The following KIAA1217 variants were observed in gnomAD, a reference collection of about 807,000 sequenced individuals.
KIAA1217 encodes the protein KIAA1217.
Under a neutral mutation model 163.9 loss-of-function variants are expected in KIAA1217, and 88 were observed. That is an observed-to-expected ratio of 0.54 (90% CI 0.45 to 0.64). The LOEUF (loss-of-function observed/expected upper bound fraction) is 0.64. KIAA1217 is among the 30% of genes least tolerant of loss of function. The pLI, the probability that KIAA1217 is intolerant of heterozygous loss-of-function variation, is 0.00. For synonymous variants in KIAA1217, 903 were observed against 923.1 expected, an observed-to-expected ratio of 0.98 and a Z score of 0.39; for missense variants, 2,372 against 2,475.0, an observed-to-expected ratio of 0.96 and a Z score of 0.88.
intron 1 of KIAA1217, among the ~76,000 whole-genome samples, chr10:23,971,487 T>C (rs966857668): frequency 2.0e-5 from 3 of 152,190 alleles, no homozygotes; most frequent in African/African-American, 7.2e-5. Context: ...TCTGCCCTGT[T>C]CATGTCTGCC....
chr10:24,533,261 T>C lies in KIAA1217; in HGVS notation c.3414+24T>C, dbSNP rs776730574. 3.2e-6 allele frequency: 5 copies of C among 1,584,504 alleles called. No homozygotes were observed. The African/African-American group carries it at 4.0e-5, about 13-fold the overall frequency. On this transcript the variant is annotated intron_variant, in intron 16 of 20. Transcript: ENST00000376454. ...AGGTATGTGGATGAGGTGACTGACATTGGCTCCTTGCCTCCCGCCTGGGTC... is the reference window on the plus strand; with the variant it reads ...AGGTATGTGGATGAGGTGACTGACACTGGCTCCTTGCCTCCCGCCTGGGTC...
chr10:24,082,395 C>A (rs1434892192), intron 2 of KIAA1217, among the ~76,000 whole-genome samples: 1 of 152,086 alleles, frequency 6.6e-6, no homozygotes, highest in Non-Finnish European at 1.5e-5. Context: ...ATGTTCTCCC[C>A]CAAACCCCCA....
chr10:24,342,173 C>A (rs533418859), intron 2 of KIAA1217, among the ~76,000 whole-genome samples: 2 of 152,288 alleles, frequency 1.3e-5, no homozygotes, highest in East Asian at 3.9e-4. Context: ...GCAACAGTCA[C>A]AAACATAAAT....
At chr10:23,862,699 A>T (rs1840010174) in intron 1 of KIAA1217, among the ~76,000 whole-genome samples, 1 of 152,128 alleles carries the variant, frequency 6.6e-6, no homozygotes, top group South Asian at 2.1e-4. Flanking sequence ...AGAGTGGCAG[A>T]CAAAGAAATC....
At chr10:24,187,150 A>G (rs2066474001) in intron 2 of KIAA1217, among the ~76,000 whole-genome samples, 1 of 152,180 alleles carries the variant, frequency 6.6e-6, no homozygotes, top group Non-Finnish European at 1.5e-5. Flanking sequence ...CTAATTGCAG[A>G]AAACCCTGAT....
chr10:24,070,051 A>C (rs1382311063), intron 2 of KIAA1217, among the ~76,000 whole-genome samples: 3 of 152,126 alleles, frequency 2.0e-5, no homozygotes, highest in Admixed American at 6.6e-5. Flanking sequence ...TGTTGCCCAG[A>C]CTTGTCTCAA....
chr10:23,877,656 C>T (rs1840757737), intron 1 of KIAA1217, among the ~76,000 whole-genome samples: 1 of 151,976 alleles, frequency 6.6e-6, no homozygotes, highest in Admixed American at 6.6e-5. Flanking sequence ...CAACGTGTGT[C>T]TTTAAAAATC....
At chr10:24,436,525 A>G (rs947541097) in intron 4 of KIAA1217, among the ~76,000 whole-genome samples, 20 of 151,584 alleles carry the variant, frequency 1.3e-4, no homozygotes, top group Middle Eastern at 3.5e-3. Flanking sequence ...TTGGGAGGCC[A>G]AGGTGGGCGG....
chr10:24,350,202 T>C (rs2048288101), intron 2 of KIAA1217, among the ~76,000 whole-genome samples: 1 of 152,240 alleles, frequency 6.6e-6, no homozygotes, highest in Admixed American at 6.5e-5. Context: ...AGCAATGTTA[T>C]ATTTTTATAT....
intron 2 of KIAA1217, 48 bp from the exon 3 acceptor site, chr10:24,380,821 G>A (rs750171431): frequency 1.5e-5 from 20 of 1,336,472 alleles, no homozygotes; most frequent in African/African-American, 5.9e-5. Context: ...TTTTCCACAC[G>A]ATTAATAATA....
chr10:24,278,387 C>T (rs1238363984), intron 2 of KIAA1217, among the ~76,000 whole-genome samples: 1 of 152,194 alleles, frequency 6.6e-6, no homozygotes, highest in East Asian at 1.9e-4. Flanking sequence ...TGAATTTACT[C>T]ATGAGCTGTG....
At chr10:24,135,286 C>T (rs2063792308) in intron 2 of KIAA1217, among the ~76,000 whole-genome samples, 1 of 152,168 alleles carries the variant, frequency 6.6e-6, no homozygotes, top group Non-Finnish European at 1.5e-5. Flanking sequence ...GAAGATGAGA[C>T]AGATGTTCTG....
intron 1 of KIAA1217, among the ~76,000 whole-genome samples, chr10:23,810,311 T>TGTAGA (rs1182153746): frequency 2.7e-4 from 40 of 147,990 alleles, no homozygotes; most frequent in Non-Finnish European, 4.5e-4. Flanking sequence ...AGTATATATG[T>TGTAGA]GTAGATATCT....
chr10:23,698,692 A>T (rs948473422), intron 1 of KIAA1217, among the ~76,000 whole-genome samples: 4 of 152,226 alleles, frequency 2.6e-5, no homozygotes, highest in African/African-American at 9.6e-5. Flanking sequence ...ACTCAAATGC[A>T]TGAGTCCCTT....
chr10:24,208,902 G>A, upstream of KIAA1217: 1 of 290,192 alleles, frequency 3.4e-6, no homozygotes. Context: ...TGCCCTGGCA[G>A]AGCCCAGCCC....
chr10:24,294,570 A>G (rs2079492665), intron 2 of KIAA1217, among the ~76,000 whole-genome samples: 2 of 152,324 alleles, frequency 1.3e-5, no homozygotes, highest in Admixed American at 6.5e-5. Flanking sequence ...CCGTGTATGC[A>G]TTTAGTAAAC....
intron 2 of KIAA1217, among the ~76,000 whole-genome samples, chr10:24,336,743 A>C (rs1591077713): frequency 6.6e-6 from 1 of 152,236 alleles, no homozygotes; most frequent in African/African-American, 2.4e-5. Context: ...CCTGCTTAGA[A>C]TATGGTTTTT....
intron 1 of KIAA1217, among the ~76,000 whole-genome samples, chr10:23,843,743 T>C (rs1838896388): frequency 6.6e-6 from 1 of 152,190 alleles, no homozygotes; most frequent in African/African-American, 2.4e-5. Context: ...CCTGTTCCCT[T>C]GGCGAAAACC....
intron 2 of KIAA1217, among the ~76,000 whole-genome samples, chr10:24,029,541 C>G (rs1168909482): frequency 3.3e-5 from 5 of 152,024 alleles, no homozygotes; most frequent in Non-Finnish European, 7.4e-5. Context: ...TAATATAATT[C>G]TGGGCAAATT....
Sources: allele counts gnomAD v4.1 joint callset (sites outside exome capture counted in the v4.1 genomes callset), GRCh38; gene constraint gnomAD v4.1.1; transcripts MANE v1.5; gene names NCBI Gene and HGNC (gene_info 2026-07-23, HGNC 2026-07-21).